Variants in VEGFD observed in about 807,000 individuals in gnomAD.
The protein encoded by VEGFD is c-fos induced growth factor (vascular endothelial growth factor D).
Under a neutral mutation model 28.0 loss-of-function variants are expected in VEGFD, and 26 were observed. The ratio of observed to expected loss-of-function variants is 0.93; its 90% CI spans 0.68 to 1.29. The LOEUF (loss-of-function observed/expected upper bound fraction) is 1.29. VEGFD is among the 50% of genes most tolerant of loss of function. VEGFD has a pLI of 0.00. For synonymous variants in VEGFD, 93 were observed against 95.5 expected (o/e 0.97, Z 0.15); for missense variants, 294 against 273.4 (o/e 1.08, Z -0.53).
chrX:15,369,926 T>A (rs755030847), intron 1 of VEGFD, among the ~76,000 whole-genome samples: 1 of 112,391 alleles, frequency 8.9e-6, no homozygotes, highest in Non-Finnish European at 1.9e-5. Context: ...AGTTGAACAA[T>A]GGAATATTAT....
At chrX:15,377,743 G>A (rs1447963129) in intron 1 of VEGFD, among the ~76,000 whole-genome samples, 2 of 111,503 alleles carry the variant, frequency 1.8e-5, no homozygotes, top group African/African-American at 6.5e-5. Flanking sequence ...TCACTTCTGG[G>A]CCAGAGAATT....
At chrX:15,369,764 C>A (rs911310720) in intron 1 of VEGFD, among the ~76,000 whole-genome samples, 1 of 111,117 alleles carries the variant, frequency 9.0e-6, no homozygotes, top group Non-Finnish European at 1.9e-5. Flanking sequence ...CTATACAACT[C>A]AGTAAATTTC....
Position 15,384,047 on chromosome X carries a change from C to A in VEGFD, c.-101G>T. The A allele has an allele frequency of 3.6e-6, 2 of 554,029 alleles. No homozygotes were observed. The highest frequency in any genetic ancestry group is 2.8e-5 in the South Asian group (1 of 35,100). 45.7% of individuals were successfully genotyped at this position (554,029 alleles called of 1,213,427 possible). Reference sequence around the variant, plus strand: ...TCTCCAGAAGGAAAGTTTGAAACCTCAAAACTTCACACAGAAAACCAAATA... The same window carrying A: ...TCTCCAGAAGGAAAGTTTGAAACCTAAAAACTTCACACAGAAAACCAAATA... On this transcript the variant is annotated 5_prime_UTR_variant, in exon 1 of 7. Transcript: ENST00000297904.
At chrX:15,346,286 A>G in intron 6 of VEGFD, 27 bp from the exon 7 acceptor site, 1 of 1,196,129 alleles carries the variant, frequency 8.4e-7, no homozygotes, top group Non-Finnish European at 1.1e-6. Context: ...TAAAGATGAG[A>G]ATTCAGAATC....
intron 1 of VEGFD, among the ~76,000 whole-genome samples, chrX:15,380,863 G>C (rs1038749857): frequency 1.8e-5 from 2 of 112,633 alleles, no homozygotes; most frequent in African/African-American, 6.5e-5. Flanking sequence ...CCCTAGAGTT[G>C]TGCAGTGCAC....
intron 3 of VEGFD, 46 bp downstream of exon 3, chrX:15,357,957 T>C: frequency 1.8e-6 from 2 of 1,115,729 alleles, no homozygotes; most frequent in Non-Finnish European, 2.4e-6. Context: ...TCAACACTAT[T>C]ATCATCAGGG....
intron 1 of VEGFD, among the ~76,000 whole-genome samples, chrX:15,367,984 GAA>G (rs58857432): frequency 0.019 from 365 of 19,110 alleles, 3 homozygotes; most frequent in African/African-American, 0.078. Flanking sequence ...GAAAGAAAAA[GAA>G]AAAGAAAGAA....
rs184670955 is a variant in VEGFD at position 15,384,258 on chromosome X, T to G, written c.-312A>C. ...CTAAATTTACTTCATGTCCAGAAAA[T>G]TAAAAAAATCTCTCCAATGTATGCC... On this transcript the variant is annotated 5_prime_UTR_variant, in exon 1 of 7. Coordinates refer to ENST00000297904, the MANE Select transcript of VEGFD (RefSeq NM_004469.5). 5.3e-6 allele frequency: 1 copy of G among 189,430 alleles called. No individual in the cohort carries two copies. Among genetic ancestry groups the G allele is most frequent in the Admixed American group, 7.2e-5 (1 of 13,796 alleles). The allele number at this position is 189,430 out of a possible 1,213,427, so 15.6% of individuals were successfully genotyped here.
intron 4 of VEGFD, among the ~76,000 whole-genome samples, chrX:15,353,957 C>T (rs1257256455): frequency 9.1e-6 from 1 of 109,756 alleles, no homozygotes; most frequent in Non-Finnish European, 1.9e-5. Context: ...TCTAACATAC[C>T]TCCTAAGATT....
intron 3 of VEGFD, among the ~76,000 whole-genome samples, chrX:15,356,537 A>G (rs1922871795): frequency 8.9e-6 from 1 of 112,191 alleles, no homozygotes; most frequent in Non-Finnish European, 1.9e-5. Flanking sequence ...GAAGCAATCC[A>G]TTAAGGTTGT....
intron 2 of VEGFD, 74 bp downstream of exon 2, chrX:15,363,035 C>A: frequency 9.7e-7 from 1 of 1,034,414 alleles, no homozygotes; most frequent in Admixed American, 2.3e-5. Context: ...CCTACGCAGA[C>A]TTTTGGAGAA....
chrX:15,350,853 C>CTCTT (rs1255667249), intron 5 of VEGFD, among the ~76,000 whole-genome samples: 22 of 81,684 alleles, frequency 2.7e-4, no homozygotes, highest in African/African-American at 8.7e-4. Context: ...TTCTCTTTCT[C>CTCTT]TCTTTCTTTC....
chrX:15,383,120 C>T (rs1178215393), intron 1 of VEGFD, among the ~76,000 whole-genome samples: 3 of 111,562 alleles, frequency 2.7e-5, no homozygotes, highest in African/African-American at 6.5e-5. Context: ...GATTTAGCAC[C>T]ACTTCAGTCA....
At chrX:15,347,101 C>A in intron 6 of VEGFD, 63 bp downstream of exon 6, 2 of 1,056,047 alleles carry the variant, frequency 1.9e-6, no homozygotes, top group Non-Finnish European at 2.6e-6. Context: ...GGAATCCCAC[C>A]AAATTAAAAT....
intron 4 of VEGFD, among the ~76,000 whole-genome samples, chrX:15,353,510 C>A (rs1006883584): frequency 1.3e-4 from 15 of 112,172 alleles, no homozygotes; most frequent in Non-Finnish European, 2.3e-4. Context: ...GAGTCCGAGG[C>A]GGGCAGATCA....
chrX:15,362,566 A>G (rs1158179336), intron 2 of VEGFD, among the ~76,000 whole-genome samples: 1 of 110,279 alleles, frequency 9.1e-6, no homozygotes, highest in African/African-American at 3.3e-5. Context: ...ACAGGCACGT[A>G]CCACAATGTT....
chrX:15,349,529 T>G (rs1230373812), intron 5 of VEGFD, among the ~76,000 whole-genome samples: 1 of 112,437 alleles, frequency 8.9e-6, no homozygotes, highest in Non-Finnish European at 1.9e-5. Flanking sequence ...ATCAATAAAC[T>G]GATAGAATTT....
intron 1 of VEGFD, among the ~76,000 whole-genome samples, chrX:15,369,233 T>C (rs1037470893): frequency 9.0e-6 from 1 of 111,267 alleles, no homozygotes; most frequent in African/African-American, 3.3e-5. Context: ...TCTGTACTCC[T>C]ACCAATTTCA....
At chrX:15,370,116 C>A (rs983965275) in intron 1 of VEGFD, among the ~76,000 whole-genome samples, 2 of 111,252 alleles carry the variant, frequency 1.8e-5, no homozygotes, top group Non-Finnish European at 3.8e-5. Flanking sequence ...TAGGTCTGGT[C>A]CGTCACATGG....
Sources: allele counts gnomAD v4.1 joint callset (sites outside exome capture counted in the v4.1 genomes callset), GRCh38; gene constraint gnomAD v4.1.1; transcripts MANE v1.5; gene names NCBI Gene and HGNC (gene_info 2026-07-23, HGNC 2026-07-21).